Variants in NAALADL2 observed in about 807,000 individuals in gnomAD.
NAALADL2 encodes the protein N-acetylated alpha-linked acidic dipeptidase like 2, also known as inactive N-acetylated-alpha-linked acidic dipeptidase-like protein 2.
Under a neutral mutation model 87.2 loss-of-function variants are expected in NAALADL2, and 76 were observed. The ratio of observed to expected loss-of-function variants is 0.87; its 90% CI spans 0.72 to 1.05. NAALADL2 has a LOEUF of 1.05. NAALADL2 is among the 50% of genes least tolerant of loss of function. The probability of loss-of-function intolerance (pLI) is 0.00; values close to 1 mark genes in which losing one functional copy is unlikely to be tolerated. For missense variants in NAALADL2, 1,089 were observed against 945.8 expected (o/e 1.15, Z -1.99); for synonymous variants, 354 against 331.0 (o/e 1.07, Z -0.75).
At chr3:175,228,769 C>T (rs1186192980) in intron 2 of NAALADL2, among the ~76,000 whole-genome samples, 3 of 151,726 alleles carry the variant, frequency 2.0e-5, no homozygotes, top group African/African-American at 4.8e-5. Context: ...GAGAGTAGAT[C>T]GAGAAGGAAG....
chr3:175,632,935 C>T (rs1262100796), intron 11 of NAALADL2, among the ~76,000 whole-genome samples: 1 of 152,116 alleles, frequency 6.6e-6, no homozygotes, highest in Non-Finnish European at 1.5e-5. Context: ...CCATAATTCA[C>T]ATGCTTAGTG....
At chr3:174,998,128 A>G (rs1747770537) in intron 1 of NAALADL2, among the ~76,000 whole-genome samples, 1 of 152,330 alleles carries the variant, frequency 6.6e-6, no homozygotes, top group African/African-American at 2.4e-5. Flanking sequence ...CTATAATTAT[A>G]ATAGCTAACA....
intron 1 of NAALADL2, among the ~76,000 whole-genome samples, chr3:174,522,371 T>G (rs1279538033): frequency 6.6e-6 from 1 of 152,048 alleles, no homozygotes. Context: ...TAGTGTCCTA[T>G]AAAAGAGACT....
At chr3:175,129,766 A>G (rs1727527643) in intron 2 of NAALADL2, among the ~76,000 whole-genome samples, 1 of 152,190 alleles carries the variant, frequency 6.6e-6, no homozygotes, top group Non-Finnish European at 1.5e-5. Flanking sequence ...ACTGTGAGTA[A>G]TGCTGCACTG....
chr3:175,545,945 A>G (rs1300668743), intron 9 of NAALADL2, among the ~76,000 whole-genome samples: 1 of 152,176 alleles, frequency 6.6e-6, no homozygotes, highest in Non-Finnish European at 1.5e-5. Flanking sequence ...ATATGGTGTG[A>G]GATACAAATA....
intron 2 of NAALADL2, among the ~76,000 whole-genome samples, chr3:174,732,814 T>C (rs554230757): frequency 2.0e-5 from 3 of 152,290 alleles, no homozygotes; most frequent in East Asian, 3.9e-4. Flanking sequence ...AAATGGCTAT[T>C]AATAATATTC....
intron 10 of NAALADL2, among the ~76,000 whole-genome samples, chr3:175,580,080 G>A (rs1366518573): frequency 6.6e-6 from 1 of 152,054 alleles, no homozygotes; most frequent in African/African-American, 2.4e-5. Flanking sequence ...TATGTAGCAG[G>A]AGTCATGGCA....
intron 9 of NAALADL2, among the ~76,000 whole-genome samples, chr3:175,572,894 T>C (rs1486925938): frequency 2.2e-5 from 2 of 89,096 alleles, no homozygotes; most frequent in African/African-American, 2.9e-5. Flanking sequence ...AGTGAGACTC[T>C]ATCTTGAAAA....
chr3:174,582,157 C>T (rs575609370), intron 2 of NAALADL2, among the ~76,000 whole-genome samples: 1 of 152,246 alleles, frequency 6.6e-6, no homozygotes, highest in East Asian at 1.9e-4. Flanking sequence ...ATCCTTTGGA[C>T]TTAGTAGTTA....
chr3:174,907,032 C>T (rs1414703443), intron 1 of NAALADL2, among the ~76,000 whole-genome samples: 1 of 152,016 alleles, frequency 6.6e-6, no homozygotes, highest in East Asian at 1.9e-4. Flanking sequence ...TAACTCATAA[C>T]TCTTTGTGCC....
chr3:175,142,826 ACT>A (rs1730197882), intron 2 of NAALADL2, among the ~76,000 whole-genome samples: 1 of 150,818 alleles, frequency 6.6e-6, no homozygotes, highest in African/African-American at 2.4e-5. Context: ...AACTTGTCAA[ACT>A]CTATTTGAAG....
chr3:175,352,125 G>A (rs1763841873), intron 5 of NAALADL2, among the ~76,000 whole-genome samples: 1 of 151,744 alleles, frequency 6.6e-6, no homozygotes, highest in South Asian at 2.1e-4. Flanking sequence ...TCTCAAACAT[G>A]CTCTATATTG....
At chr3:174,564,798 G>A in intron 2 of NAALADL2, among the ~76,000 whole-genome samples, 1 of 151,096 alleles carries the variant, frequency 6.6e-6, no homozygotes, top group East Asian at 1.9e-4. Flanking sequence ...AATGTATTTG[G>A]GTATTTCAGA....
chr3:174,791,007 A>G (rs1205082928), intron 3 of NAALADL2, among the ~76,000 whole-genome samples: 1 of 152,210 alleles, frequency 6.6e-6, no homozygotes, highest in African/African-American at 2.4e-5. Flanking sequence ...TAGTTACTAC[A>G]GGAAAGAGCA....
At chr3:174,781,183 C>G (rs561002693) in intron 3 of NAALADL2, among the ~76,000 whole-genome samples, 1 of 152,082 alleles carries the variant, frequency 6.6e-6, no homozygotes, top group East Asian at 2.0e-4. Flanking sequence ...GTGGGTAACC[C>G]GACCTTTCTC....
chr3:175,600,370 A>C (rs1398123638), intron 10 of NAALADL2, among the ~76,000 whole-genome samples: 1 of 151,960 alleles, frequency 6.6e-6, no homozygotes, highest in Non-Finnish European at 1.5e-5. Flanking sequence ...GGTATAAACT[A>C]TCAGTGAAAA....
chr3:175,553,135 G>A lies in NAALADL2; in HGVS notation c.1654-22906G>A, dbSNP rs573044424. Among the ~76,000 whole-genome samples, 7 of 152,154 alleles carry A rather than the reference G, an allele frequency of 4.6e-5. No individual in the cohort carries two copies. The South Asian group carries it at 1.2e-3, about 27-fold the overall frequency. On this transcript the variant is annotated intron_variant, in intron 9 of 13. Transcript: ENST00000454872. ...GTGTATTTGCTGAGCATGATGTCAA[G>A]GTCCCAGAAAGTAAACAGAAATAAC... is the stretch of plus-strand genomic sequence containing the variant.
chr3:174,833,805 T>A (rs1579122382), intron 3 of NAALADL2, among the ~76,000 whole-genome samples: 2 of 151,234 alleles, frequency 1.3e-5, no homozygotes, highest in South Asian at 2.1e-4. Context: ...GGGACAACTA[T>A]ATAATTATCT....
At chr3:174,509,619 G>C (rs1241389041) in intron 1 of NAALADL2, among the ~76,000 whole-genome samples, 3 of 112,814 alleles carry the variant, frequency 2.7e-5, no homozygotes, top group African/African-American at 1.0e-4. Flanking sequence ...GTAGAGACGG[G>C]GTTTCACCAT....
Sources: allele counts gnomAD v4.1 joint callset (sites outside exome capture counted in the v4.1 genomes callset), GRCh38; gene constraint gnomAD v4.1.1; transcripts MANE v1.5; gene names NCBI Gene and HGNC (gene_info 2026-07-23, HGNC 2026-07-21).